SPDYE1: variants seen among roughly 807,000 people sequenced by gnomAD.
SPDYE1 encodes speedy/RINGO cell cycle regulator family member E1.
Under a neutral mutation model 45.9 loss-of-function variants are expected in SPDYE1, and 29 were observed. That is an observed-to-expected ratio of 0.63 (90% CI 0.47 to 0.86). SPDYE1 has a LOEUF of 0.86. Ranked by LOEUF, SPDYE1 falls within the 40% of genes least tolerant of loss-of-function variation. The pLI is 0.00. For synonymous variants in SPDYE1, 134 were observed against 176.8 expected, an observed-to-expected ratio of 0.76 and a Z score of 1.92; for missense variants, 346 against 481.4, an observed-to-expected ratio of 0.72 and a Z score of 2.63.
Position 44,007,374 on chromosome 7 carries a change from C to T in SPDYE1, c.859C>T (p.Arg287Trp), listed in dbSNP as rs144910167. Residue 287 changes from arginine to tryptophan, a missense_variant, in exon 7 of 9, where the codon CGG becomes TGG. Coordinates refer to ENST00000693451, the MANE Select transcript of SPDYE1 (RefSeq NM_001378423.2). Reference sequence around the variant, plus strand: ...TCGCATACCCTTGCTCCGTAAGCGTCGGTTCCAGTTATACCGTTCCATGAA... The same window carrying T: ...TCGCATACCCTTGCTCCGTAAGCGTTGGTTCCAGTTATACCGTTCCATGAA... The part of the protein sequence containing the change: ...RSRIPLLRKR[R>W]FQLYRSMNPR... 6.6e-5 allele frequency: 107 copies of T among 1,611,754 alleles called. 1 individual carries two copies. In the African/African-American group the frequency reaches 8.3e-4, roughly 12 times the overall value.
At chr7:44,003,002 A>G (rs1422830159) in intron 4 of SPDYE1, among the ~76,000 whole-genome samples, 185 bp downstream of exon 4, 5 of 70,604 alleles carry the variant, frequency 7.1e-5, no homozygotes, top group Non-Finnish European at 1.3e-4. Flanking sequence ...TCAACTTGAT[A>G]AAGGTCAGCG....
chr7:44,007,133 A>G, intron 6 of SPDYE1, 135 bp from the exon 7 acceptor site: 3 of 1,567,122 alleles, frequency 1.9e-6, no homozygotes, highest in Non-Finnish European at 2.6e-6. Flanking sequence ...CTCCTGAGGA[A>G]GGCATGGCTC....
At position 44,007,433 on chromosome 7, in the gene SPDYE1, C is replaced by T. The variant is rs142159040; in HGVS notation, c.918C>T (p.Pro306=). 5 of 1,565,718 alleles carry T rather than the reference C, an allele frequency of 3.2e-6. No individual in the cohort carries two copies. In the African/African-American group the frequency reaches 6.8e-5, roughly 21 times the overall value. The part of the protein sequence containing the change: ...PRARKNRSHI[P]LVRKRRFQLR... ...CCAGGAAGAACCGCTCTCACATACC[C>T]TTGGTCCGTAAGCGTCGGTTCCAGT... Residue 306 remains proline (P), a synonymous_variant, in exon 7 of 9, where the codon CCC becomes CCT. Coordinates refer to ENST00000693451, the MANE Select transcript of SPDYE1 (RefSeq NM_001378423.2).
Position 44,002,597 on chromosome 7 carries a change from G to A in SPDYE1, c.387G>A (p.Gly129=). The change falls in exon 4 of 9, where the codon GGG becomes GGA. Residue 129 remains glycine, a synonymous_variant. Coordinates refer to ENST00000693451, the MANE Select transcript of SPDYE1 (RefSeq NM_001378423.2). The part of the protein sequence containing the change: ...HKDFNSQLAP[G]VDPSPPHRSF... ...CCTGGTTTCTTTACTCAGCCCCTGG[G>A]GTAGATCCCAGCCCCCCGCATAGGT... 6.3e-7 allele frequency: 1 copy of A among 1,585,672 alleles called. No individual in the cohort carries two copies. The highest frequency in any genetic ancestry group is 1.1e-5 in the South Asian group (1 of 88,804).
In SPDYE1 at chr7:44,001,260, C is replaced by T; in HGVS notation, c.355C>T (p.His119Tyr). ...QRVSPILLEHHKDFNSQLAPG... is the reference protein window; with the variant it reads ...QRVSPILLEHYKDFNSQLAPG... ...AGTGTCACCCATCCTCCTTGAGCAC[C>T]ACAAGGACTTCAACAGTCAGCTTGG... The change falls in exon 3 of 9, where the codon CAC becomes TAC. Residue 119 changes from histidine (H) to tyrosine (Y), a missense_variant. Physicochemically the swap from His to Tyr is moderately conservative, Grantham distance 83. This residue lies in a region of SPDYE1 where 141 missense variants were observed against 176.7 expected (regional missense o/e 0.80). Coordinates refer to ENST00000693451, the MANE Select transcript of SPDYE1 (RefSeq NM_001378423.2). 6.3e-7 allele frequency: 1 copy of T among 1,597,684 alleles called. No homozygotes were observed. Among genetic ancestry groups the T allele is most frequent in the Non-Finnish European group, 8.5e-7 (1 of 1,179,900 alleles).
At position 44,001,071 on chromosome 7, in the gene SPDYE1, G is replaced by A. The variant is rs2128776065; in HGVS notation, c.166G>A (p.Gly56Arg). 1 of 1,597,612 alleles carries A rather than the reference G, an allele frequency of 6.3e-7. No individual in the cohort carries two copies. The highest frequency in any genetic ancestry group is 1.1e-5 in the South Asian group (1 of 90,978). The change falls in exon 3 of 9, where the codon GGG becomes AGG. Residue 56 changes from glycine (G) to arginine (R), a missense_variant. Physicochemically the swap from Gly to Arg is moderately radical, Grantham distance 125. Transcript: ENST00000693451. ...GGCCTGGTTTCTTTACTCAGCCCCT[G>A]GGGTAGATCCCAGCCCCCCATGTAG... ...DDEVLGPSAP[G>R]VDPSPPCRSL...
At chr7:44,002,042 C>T in intron 3 of SPDYE1, among the ~76,000 whole-genome samples, 1 of 151,234 alleles carries the variant, frequency 6.6e-6, no homozygotes, top group East Asian at 1.9e-4. Context: ...GGTTCAGTGG[C>T]TCACACCTGT....
chr7:43,998,614 C>T (rs1248163940), intron 1 of SPDYE1, among the ~76,000 whole-genome samples: 1 of 102,346 alleles, frequency 9.8e-6, no homozygotes, highest in African/African-American at 4.1e-5. Flanking sequence ...TGAGCCCAGC[C>T]GGGAACCCGC....
chr7:44,007,753 C>T lies in SPDYE1; in HGVS notation c.1116C>T (p.Arg372=), dbSNP rs561958349. 1.2e-4 allele frequency: 199 copies of T among 1,611,400 alleles called. No homozygotes were observed. The highest frequency in any genetic ancestry group is 2.3e-4 in the South Asian group (21 of 90,996). The part of the protein sequence containing the change: ...DPEHWVWARD[R]ARLS ...AGCACTGGGTGTGGGCGCGAGATCG[C>T]GCTCGCCTTTCCTAGAGCTCCAGGG... Residue 372 remains arginine, a synonymous_variant, in exon 8 of 9, where the codon CGC becomes CGT. Coordinates refer to ENST00000693451, the MANE Select transcript of SPDYE1 (RefSeq NM_001378423.2).
At position 44,002,716 on chromosome 7, in the gene SPDYE1, T is replaced by C. The variant is rs1437719407; in HGVS notation, c.506T>C (p.Ile169Thr). 7 of 1,594,696 alleles carry C rather than the reference T, an allele frequency of 4.4e-6. No homozygotes were observed. The highest frequency in any genetic ancestry group is 5.9e-6 in the Non-Finnish European group (7 of 1,179,154). ...GTGCTCGCCCCTGAGCCTGAGGAGA[T>C]CTGGGTGGCGGAGATGCTGTGTGGC... is the stretch of plus-strand genomic sequence containing the variant. ...RKVLAPEPEE[I>T]WVAEMLCGLK... Residue 169 changes from isoleucine (I) to threonine (T), a missense_variant, in exon 4 of 9, where the codon ATC becomes ACC. This residue lies in a region of SPDYE1 where 141 missense variants were observed against 176.7 expected (regional missense o/e 0.80). Transcript: ENST00000693451.
chr7:44,005,790 G>A (rs1317685265), intron 6 of SPDYE1, among the ~76,000 whole-genome samples: 1 of 152,078 alleles, frequency 6.6e-6, no homozygotes, highest in African/African-American at 2.4e-5. Flanking sequence ...AGGAGTGGAG[G>A]AGCGGACATG....
rs2096073282 is a variant in SPDYE1, at chr7:44,007,513, T to C, written c.998T>C (p.Phe333Ser). ...ARKNRSQIVL[F>S]QKRRFHFFCS... ...AAGAACCGCTCTCAGATAGTCCTGT[T>C]CCAGAAACGTCGGTTCCACTTCTTC... Residue 333 changes from phenylalanine to serine, a missense_variant, in exon 7 of 9, where the codon TTC becomes TCC. Phe to Ser is a radical substitution (Grantham distance 155, BLOSUM62 -2). This residue lies in a region of SPDYE1 where 186 missense variants were observed against 219.1 expected (regional missense o/e 0.85). Coordinates refer to ENST00000693451, the MANE Select transcript of SPDYE1 (RefSeq NM_001378423.2). 1.9e-6 allele frequency: 3 copies of C among 1,613,770 alleles called. No individual in the cohort carries two copies. In the East Asian group the frequency reaches 6.7e-5, roughly 36 times the overall value.
At position 44,007,012 on chromosome 7, in the gene SPDYE1, A is replaced by G. The variant is rs368588927; in HGVS notation, c.753-256A>G. Among the ~76,000 whole-genome samples, 84 of 152,250 alleles carry G rather than the reference A, an allele frequency of 5.5e-4. No homozygotes were observed. In the East Asian group the frequency reaches 0.014, roughly 26 times the overall value. On this transcript the variant is annotated intron_variant, in intron 6 of 8. Transcript: ENST00000693451. ...GTGATCCTCCTGCTTTGGCCTCCCAATGTGCTGGGATTCCAGGCGTAAGCC... is the reference window on the plus strand; with the variant it reads ...GTGATCCTCCTGCTTTGGCCTCCCAGTGTGCTGGGATTCCAGGCGTAAGCC...
chr7:43,998,400 C>T (rs1017685797), intron 1 of SPDYE1, among the ~76,000 whole-genome samples: 9 of 151,388 alleles, frequency 5.9e-5, no homozygotes, highest in South Asian at 4.2e-4. Flanking sequence ...CTGCAACCTG[C>T]GCACCATGAG....
intron 8 of SPDYE1, chr7:44,008,015 G>A: frequency 7.0e-7 from 1 of 1,427,752 alleles, no homozygotes; most frequent in Non-Finnish European, 9.3e-7. Flanking sequence ...GATTGCTGGA[G>A]CCTGGAAGGT....
intron 5 of SPDYE1, 102 bp from the exon 6 acceptor site, chr7:44,005,040 C>CA (rs2096069262): frequency 3.7e-6 from 5 of 1,364,082 alleles, no homozygotes; most frequent in Non-Finnish European, 5.2e-6. Context: ...GAGGTCCCTT[C>CA]TCTGATGGGC....
chr7:44,004,368 AT>A (rs1227141848), intron 5 of SPDYE1: 1,073 of 228,896 alleles, frequency 4.7e-3, no homozygotes, highest in South Asian at 0.01. Flanking sequence ...GCACCCACAA[AT>A]TTTTTTTTTG....
At position 44,000,049 on chromosome 7, in the gene SPDYE1, C is replaced by T. The variant is rs1231115717; in HGVS notation, c.100C>T (p.Arg34Trp). Reference protein sequence around the residue: ...PHRQNEQSPQRSTSGYPLQEV... With the variant: ...PHRQNEQSPQWSTSGYPLQEV... ...CCGCCAGAATGAGCAGAGTCCCCAG[C>T]GGAGCACCTCGGGGTACCCCCTCCA... Residue 34 changes from arginine (R) to tryptophan (W), a missense_variant, in exon 2 of 9, where the codon CGG becomes TGG. By Grantham distance (101) the Arg-to-Trp change is moderately radical. Around this residue, in one of 4 missense-constraint regions of SPDYE1, gnomAD observed 15 missense variants for 60.5 expected, o/e 0.25. Coordinates refer to ENST00000693451, the MANE Select transcript of SPDYE1 (RefSeq NM_001378423.2). The T allele has an allele frequency of 4.1e-6, 4 of 985,342 alleles. No individual in the cohort carries two copies. The highest frequency in any genetic ancestry group is 4.7e-5 in the South Asian group (1 of 21,274). The allele number at this position is 985,342 out of a possible 1,614,324, so 61.0% of individuals were successfully genotyped here. A position where few individuals can be genotyped will look rare whatever the true frequency, so the allele number is the denominator to read the frequency against.
At chr7:44,005,613 G>T (rs2096070161) in intron 6 of SPDYE1, among the ~76,000 whole-genome samples, 1 of 151,646 alleles carries the variant, frequency 6.6e-6, no homozygotes, top group Non-Finnish European at 1.5e-5. Context: ...AGGAGGTGGA[G>T]GTTGCAGTAA....
Sources: allele counts gnomAD v4.1 joint callset (sites outside exome capture counted in the v4.1 genomes callset), GRCh38; gene constraint gnomAD v4.1.1; regional missense constraint gnomAD v4.1.1; transcripts MANE v1.5; gene names NCBI Gene and HGNC (gene_info 2026-07-23, HGNC 2026-07-21).